Variants in ABHD2 observed in about 807,000 individuals in gnomAD.
ABHD2 encodes the protein monoacylglycerol lipase ABHD2.
ABHD2 carries 20 observed loss-of-function variants against 48.1 expected under a neutral mutation model. The observed-to-expected ratio is 0.42, with a 90% CI of 0.29 to 0.60. The LOEUF (loss-of-function observed/expected upper bound fraction) is 0.60. ABHD2 is among the 20% of genes least tolerant of loss of function. The pLI, the probability that ABHD2 is intolerant of heterozygous loss-of-function variation, is 0.24. For synonymous variants in ABHD2, 209 were observed against 214.2 expected, an observed-to-expected ratio of 0.98 and a Z score of 0.21; for missense variants, 405 against 550.9, an observed-to-expected ratio of 0.74 and a Z score of 2.65.
At position 89,176,180 on chromosome 15, in the gene ABHD2, C is replaced by T. The variant is rs2051010514; in HGVS notation, c.722+185C>T. 6.6e-6 allele frequency among the ~76,000 whole-genome samples: 1 copy of T among 152,176 alleles called. No homozygotes were observed. Among genetic ancestry groups the T allele is most frequent in the Non-Finnish European group, 1.5e-5 (1 of 68,026 alleles). On this transcript the variant is annotated intron_variant, in intron 6 of 10. Coordinates refer to ENST00000352732, the MANE Select transcript of ABHD2 (RefSeq NM_152924.5). This position sits in a 1 kb window ranked among gnomAD's most constrained non-coding sequence, Gnocchi z 4.5. ...ACATTGGAGATGCCCCATCAGACCC[C>T]TTAAGCCTGGGATATGCAGCTGCGT...
At chr15:89,068,195 T>G in the ABHD2 span, among the ~76,000 whole-genome samples, 1 of 32,938 alleles carries the variant, frequency 3.0e-5, no homozygotes, top group Admixed American at 2.4e-4. Context: ...CATGTGCGCG[T>G]GCACACACAC....
chr15:89,066,747 GA>G, the ABHD2 span, among the ~76,000 whole-genome samples: 1 of 152,306 alleles, frequency 6.6e-6, no homozygotes, highest in African/African-American at 2.4e-5. Flanking sequence ...CCTTTTCAGT[GA>G]AGGGTACCTG....
At chr15:89,110,369 C>CT (rs1322677092) in intron 1 of ABHD2, among the ~76,000 whole-genome samples, 8 of 151,878 alleles carry the variant, frequency 5.3e-5, no homozygotes, top group Admixed American at 2.6e-4. Flanking sequence ...GCCTTATTGT[C>CT]TTTTTTTTCA....
intron 1 of ABHD2, among the ~76,000 whole-genome samples, chr15:89,096,943 C>T (rs1250584263): frequency 6.6e-6 from 1 of 152,124 alleles, no homozygotes; most frequent in Non-Finnish European, 1.5e-5. Context: ...AAACTCTTGC[C>T]AGAATTGCAG....
intron 6 of ABHD2, among the ~76,000 whole-genome samples, chr15:89,181,249 A>AAAAAAAAAAT: frequency 6.6e-6 from 1 of 151,600 alleles, no homozygotes; most frequent in African/African-American, 2.4e-5. Context: ...AAAAAAAAAA[A>AAAAAAAAAAT]ACAAGATGGT....
rs1389610318 is a variant in ABHD2 at position 89,091,003 on chromosome 15, T to G, written c.-107+2440T>G. Reference sequence around the variant, plus strand: ...TGATCCGTGCTGGCAATCTAGCTGGTTCACTGGTTTATCTGTGTTTTTCCT... The same window carrying G: ...TGATCCGTGCTGGCAATCTAGCTGGGTCACTGGTTTATCTGTGTTTTTCCT... On this transcript the variant is annotated intron_variant, in intron 1 of 10. Transcript: ENST00000352732. The surrounding 1 kb of genome is among the most constrained non-coding windows in gnomAD (Gnocchi z 5.5). Among the ~76,000 whole-genome samples the G allele has an allele frequency of 6.6e-6, 1 of 152,254 alleles. No individual in the cohort carries two copies. The highest frequency in any genetic ancestry group is 1.9e-4 in the East Asian group (1 of 5,204).
rs2050840880 is a variant in ABHD2, at chr15:89,166,547, C to G, written c.539-9265C>G. ...TGAACCGTGATCATGCCACTGCACT[C>G]CAGCCTGGGTGACAGAGTGAGACCC... On this transcript the variant is annotated intron_variant, in intron 5 of 10. Transcript: ENST00000352732. This position sits in a 1 kb window ranked among gnomAD's most constrained non-coding sequence, Gnocchi z 4.6. 6.6e-6 allele frequency among the ~76,000 whole-genome samples: 1 copy of G among 151,824 alleles called. No individual in the cohort carries two copies. Among genetic ancestry groups the G allele is most frequent in the Admixed American group, 6.6e-5 (1 of 15,238 alleles).
chr15:89,050,780 C>T, the ABHD2 span, among the ~76,000 whole-genome samples: 1 of 152,160 alleles, frequency 6.6e-6, no homozygotes, highest in African/African-American at 2.4e-5. Flanking sequence ...CTGAGTTACC[C>T]CCATGAGTTA....
chr15:89,069,150 G>A, the ABHD2 span, among the ~76,000 whole-genome samples: 1 of 139,210 alleles, frequency 7.2e-6, no homozygotes, highest in Non-Finnish European at 1.5e-5. Context: ...TAAAGAGATA[G>A]GATCTCTCTC....
chr15:89,150,425 C>T (rs186351185), intron 3 of ABHD2, among the ~76,000 whole-genome samples: 8 of 152,276 alleles, frequency 5.3e-5, no homozygotes, highest in East Asian at 1.9e-4. Flanking sequence ...TAAATGCCTT[C>T]GCCTGCCTTC....
chr15:89,076,888 C>G, the ABHD2 span, among the ~76,000 whole-genome samples: 1 of 152,198 alleles, frequency 6.6e-6, no homozygotes, highest in Admixed American at 6.5e-5. Flanking sequence ...TCCCCTTCCA[C>G]ATTTTTCTTT....
At chr15:89,138,854 CT>C (rs10707562) in intron 3 of ABHD2, among the ~76,000 whole-genome samples, 58,061 of 148,666 alleles carry the variant, frequency 0.39, 11,576 homozygotes, top group Middle Eastern at 0.46. Context: ...CTAATCCTAG[CT>C]TTTTTTTTTT....
the ABHD2 span, among the ~76,000 whole-genome samples, chr15:89,077,284 T>TTTA: frequency 5.9e-5 from 9 of 152,360 alleles, no homozygotes; most frequent in East Asian, 1.7e-3. Context: ...TTCACTCACC[T>TTTA]TTATGCTGGT....
chr15:89,085,840 C>T (rs202123690), upstream of ABHD2, among the ~76,000 whole-genome samples: 4 of 152,188 alleles, frequency 2.6e-5, no homozygotes, highest in East Asian at 5.8e-4. The surrounding 1 kb of genome is among the most constrained non-coding windows in gnomAD (Gnocchi z 4.2). Context: ...AACAAGACAT[C>T]TCACTTTCCC....
At chr15:89,124,709 T>C (rs2050104971) in intron 3 of ABHD2, among the ~76,000 whole-genome samples, 1 of 152,082 alleles carries the variant, frequency 6.6e-6, no homozygotes. Flanking sequence ...ATGCCAGCAC[T>C]TTGGGAGGCT....
At chr15:89,172,424 T>A (rs2050945410) in intron 5 of ABHD2, among the ~76,000 whole-genome samples, 1 of 152,262 alleles carries the variant, frequency 6.6e-6, no homozygotes, top group African/African-American at 2.4e-5. Context: ...TCCTCAAGGT[T>A]CTTCCATGCT....
the ABHD2 span, among the ~76,000 whole-genome samples, chr15:89,059,873 A>T: frequency 6.6e-6 from 1 of 152,062 alleles, no homozygotes; most frequent in South Asian, 2.1e-4. Flanking sequence ...ACCTCATTCC[A>T]CTGTCCCCTG....
chr15:89,073,965 A>C, the ABHD2 span, among the ~76,000 whole-genome samples: 17 of 152,194 alleles, frequency 1.1e-4, no homozygotes, highest in Non-Finnish European at 2.2e-4. Context: ...ACTCAGAATC[A>C]CAGTGCTAGG....
chr15:89,103,903 G>T (rs146020115), intron 1 of ABHD2: 11 of 152,292 alleles, frequency 7.2e-5, no homozygotes, highest in African/African-American at 2.6e-4. Flanking sequence ...TTCATTTCAG[G>T]CACAGATGAA....
Sources: gnomAD v4.1 joint callset for allele counts (sites outside exome capture counted in the v4.1 genomes callset) on GRCh38, gnomAD v4.1.1 for gene constraint, Gnocchi (gnomAD v3.1) non-coding constraint, MANE v1.5 for transcripts, NCBI Gene and HGNC (gene_info 2026-07-23, HGNC 2026-07-21) for gene names.